NPNT: variants seen among roughly 807,000 people sequenced by gnomAD.
NPNT encodes nephronectin.
Under a neutral mutation model 68.6 loss-of-function variants are expected in NPNT, and 45 were observed. The ratio of observed to expected loss-of-function variants is 0.66; its 90% CI spans 0.52 to 0.84. The LOEUF is 0.84. Among genes scored for constraint, NPNT ranks in the 40% least tolerant of loss-of-function variants. NPNT has a pLI of 0.00. For missense variants in NPNT, 672 were observed against 714.8 expected (o/e 0.94, Z 0.68); for synonymous variants, 233 against 253.3 (o/e 0.92, Z 0.76).
At position 105,958,498 on chromosome 4, in the gene NPNT, T is replaced by C. The variant is rs1232267553; in HGVS notation, c.1187T>C (p.Phe396Ser). ...FIPRQPSNDL[F>S]EIFEIERGVS... ...CCACGGCAACCTTCAAATGACTTGT[T>C]TGAAATATTTGAAATAGAAAGAGGA... The change falls in exon 9 of 12, where the codon TTT becomes TCT. Residue 396 changes from phenylalanine (F) to serine (S), a missense_variant. Coordinates refer to ENST00000379987, the MANE Select transcript of NPNT (RefSeq NM_001033047.3). 2.5e-6 allele frequency: 4 copies of C among 1,611,652 alleles called. No individual in the cohort carries two copies. The highest frequency in any genetic ancestry group is 2.7e-5 in the African/African-American group (2 of 74,816).
chr4:105,964,416 G>A (rs1337181933), intron 10 of NPNT, among the ~76,000 whole-genome samples: 1 of 152,208 alleles, frequency 6.6e-6, no homozygotes, highest in Admixed American at 6.5e-5. Flanking sequence ...ATTCCTAAAT[G>A]TGGAATTGCT....
intron 2 of NPNT, among the ~76,000 whole-genome samples, chr4:105,925,061 G>T (rs772816667): frequency 6.6e-6 from 1 of 151,894 alleles, no homozygotes; most frequent in Non-Finnish European, 1.5e-5. Context: ...GTATTTCTTG[G>T]TGATAGGGCC....
At position 105,932,851 on chromosome 4, in the gene NPNT, G is replaced by A. The variant is rs181922592; in HGVS notation, c.266-4158G>A. 333 of 564,510 alleles carry A rather than the reference G, an allele frequency of 5.9e-4. 1 individual carries two copies. The highest frequency in any genetic ancestry group is 5.8e-3 in the African/African-American group (309 of 52,878). 35.0% of individuals were successfully genotyped at this position (564,510 alleles called of 1,614,324 possible). A position where few individuals can be genotyped will look rare whatever the true frequency, so the allele number is the denominator to read the frequency against. On this transcript the variant is annotated intron_variant, in intron 3 of 11. Transcript: ENST00000379987. ...GAGCAAGCAGCAGGAATTGCCACCT[G>A]GTGCTGATTCTCTGTGCTCTGAAAA...
chr4:105,900,270 C>T (rs1262176931), intron 2 of NPNT, among the ~76,000 whole-genome samples: 2 of 152,112 alleles, frequency 1.3e-5, no homozygotes, highest in Non-Finnish European at 2.9e-5. Flanking sequence ...CATAGCAAAA[C>T]AAAAAGAAAC....
chr4:105,942,481 A>C lies in NPNT; in HGVS notation c.938A>C (p.Lys313Thr), dbSNP rs1309325069. Residue 313 changes from lysine (K) to threonine (T), a missense_variant, in exon 8 of 12, where the codon AAG (lysine) becomes ACG (threonine). Transcript: ENST00000379987. ...ATCATTACCAACAGGCCTACTTCTA[A>C]GCCAACAACAAGACCTACACCAAAG... is the stretch of plus-strand genomic sequence containing the variant. ...PPIITNRPTS[K>T]PTTRPTPKPT... 3.7e-6 allele frequency: 6 copies of C among 1,613,296 alleles called. No individual in the cohort carries two copies. The highest frequency in any genetic ancestry group is 1.3e-5 in the African/African-American group (1 of 74,656).
chr4:105,921,763 G>T (rs1313472683), intron 2 of NPNT, among the ~76,000 whole-genome samples: 1 of 152,094 alleles, frequency 6.6e-6, no homozygotes, highest in Non-Finnish European at 1.5e-5. Flanking sequence ...GTAGTGAGTT[G>T]TTTCATATTG....
At chr4:105,901,675 T>C (rs1036688396) in intron 2 of NPNT, among the ~76,000 whole-genome samples, 2 of 152,320 alleles carry the variant, frequency 1.3e-5, no homozygotes, top group South Asian at 2.1e-4. Flanking sequence ...AGATGTTTTC[T>C]TATGTTTCTG....
intron 10 of NPNT, among the ~76,000 whole-genome samples, chr4:105,964,958 T>TA (rs1560545374): frequency 2.4e-4 from 37 of 152,272 alleles, no homozygotes; most frequent in African/African-American, 2.4e-5. Context: ...TTCCTTTTTT[T>TA]AAAAAAAGTT....
chr4:105,956,297 C>G (rs2149397554), intron 8 of NPNT, among the ~76,000 whole-genome samples: 1 of 152,174 alleles, frequency 6.6e-6, no homozygotes, highest in South Asian at 2.1e-4. Flanking sequence ...CCTCCCTCTT[C>G]CCCAACCCCA....
rs750118953 is a variant in NPNT at position 105,942,582 on chromosome 4, C to G, written c.1039C>G (p.Pro347Ala). The G allele has an allele frequency of 2.5e-6, 4 of 1,613,982 alleles. No individual in the cohort carries two copies. The highest frequency in any genetic ancestry group is 3.4e-6 in the Non-Finnish European group (4 of 1,179,976). The change falls in exon 8 of 12, where the codon CCA (proline) becomes GCA (alanine). Residue 347 changes from proline to alanine, a missense_variant. By Grantham distance (27) the Pro-to-Ala change is conservative. Transcript: ENST00000379987. ...ELRTPLPPTT[P>A]ERPTTGLTTI... ...CAGAACACCTCTACCACCTACAACC[C>G]CAGAAAGGCCAACCACCGGACTGAC...
At chr4:105,967,950 C>G (rs1033799333) in intron 11 of NPNT, among the ~76,000 whole-genome samples, 1 of 151,988 alleles carries the variant, frequency 6.6e-6, no homozygotes, top group East Asian at 1.9e-4. Flanking sequence ...GAACTCAGAA[C>G]TACAATTGGA....
At chr4:105,967,704 T>A (rs1388459130) in intron 11 of NPNT, among the ~76,000 whole-genome samples, 1 of 151,898 alleles carries the variant, frequency 6.6e-6, no homozygotes, top group Non-Finnish European at 1.5e-5. Flanking sequence ...GAAAAAAAAA[T>A]CTAGGAATAG....
intron 2 of NPNT, among the ~76,000 whole-genome samples, chr4:105,923,113 G>C (rs1728383598): frequency 6.6e-6 from 1 of 151,960 alleles, no homozygotes; most frequent in Non-Finnish European, 1.5e-5. Flanking sequence ...TTATTTTTTT[G>C]ATAAGGAAGG....
intron 8 of NPNT, 109 bp from the exon 9 acceptor site, chr4:105,958,362 A>G (rs1483925251): frequency 1.9e-5 from 10 of 536,840 alleles, no homozygotes; most frequent in Non-Finnish European, 3.3e-5. Context: ...ATTCATCCAG[A>G]TGAATAAAAT....
chr4:105,900,106 C>A (rs1054830248), intron 2 of NPNT, among the ~76,000 whole-genome samples: 1 of 152,156 alleles, frequency 6.6e-6, no homozygotes, highest in Non-Finnish European at 1.5e-5. Context: ...GAACTTCTAG[C>A]GAATTTAATG....
At position 105,940,203 on chromosome 4, in the gene NPNT, T is replaced by C. The variant is rs1415547473; in HGVS notation, c.634T>C (p.Cys212Arg). 1.9e-6 allele frequency: 3 copies of C among 1,613,428 alleles called. No homozygotes were observed. Among genetic ancestry groups the C allele is most frequent in the East Asian group, 2.2e-5 (1 of 44,854 alleles). Residue 212 changes from cysteine to arginine, a missense_variant, in exon 6 of 12, where the codon TGT becomes CGT. Physicochemically the swap from Cys to Arg is radical, Grantham distance 180. Transcript: ENST00000379987. ...DLMYIGGKYQ[C>R]HDIDECSLGQ... ...CATGTATATTGGAGGCAAATATCAA[T>C]GTCATGGTAATGAAACCCAACCATT...
intron 2 of NPNT, among the ~76,000 whole-genome samples, chr4:105,926,698 T>C (rs1728708713): frequency 6.6e-6 from 1 of 152,202 alleles, no homozygotes; most frequent in East Asian, 1.9e-4. Context: ...AGAGTGAATG[T>C]CAAACTGAGA....
chr4:105,957,223 A>T (rs1731302470), intron 8 of NPNT, among the ~76,000 whole-genome samples: 1 of 151,464 alleles, frequency 6.6e-6, no homozygotes, highest in Non-Finnish European at 1.5e-5. Context: ...TTCCTTCCTA[A>T]CTCTTACCAA....
At chr4:105,949,206 A>G (rs937915332) in intron 8 of NPNT, among the ~76,000 whole-genome samples, 5 of 152,220 alleles carry the variant, frequency 3.3e-5, no homozygotes, top group East Asian at 3.9e-4. Context: ...AGGACTTCTC[A>G]ATACTCCAAT....
Sources: allele counts gnomAD v4.1 joint callset (sites outside exome capture counted in the v4.1 genomes callset), GRCh38; gene constraint gnomAD v4.1.1; transcripts MANE v1.5; gene names NCBI Gene and HGNC (gene_info 2026-07-23, HGNC 2026-07-21).